The following UACA variants were observed in gnomAD, a reference collection of about 807,000 sequenced individuals.
The protein encoded by UACA is uveal autoantigen with coiled-coil domains and ankyrin repeats, also known as nuclear membrane binding protein.
UACA carries 112 observed loss-of-function variants against 160.5 expected under a neutral mutation model. The ratio of observed to expected loss-of-function variants is 0.70; its 90% confidence interval spans 0.60 to 0.82. The LOEUF (loss-of-function observed/expected upper bound fraction) is 0.82. Among genes scored for constraint, UACA ranks in the 40% least tolerant of loss-of-function variants. The probability of loss-of-function intolerance (pLI) is 0.00; values close to 1 mark genes in which losing one functional copy is unlikely to be tolerated. For synonymous variants in UACA, 557 were observed against 568.4 expected, an observed-to-expected ratio of 0.98 and a Z score of 0.29; for missense variants, 1,574 against 1,614.6, an observed-to-expected ratio of 0.97 and a Z score of 0.43.
intron 15 of UACA, 66 bp downstream of exon 15, chr15:70,670,973 T>C: frequency 9.7e-7 from 1 of 1,031,814 alleles, no homozygotes; most frequent in South Asian, 2.1e-5. Flanking sequence ...CTTTCTCCTC[T>C]CTTTATAAAG....
rs1346000732 is a variant in UACA, at chr15:70,698,078, C to A, written c.212+1449G>T. ...AAAAAATAAAAAAATAAAAAAAATT[C>A]TACTCTCTATGATGAAAACTTCAAG... On this transcript the variant is annotated intron_variant, in intron 2 of 18. Transcript: ENST00000322954. Among the ~76,000 whole-genome samples, 8 of 152,008 alleles carry A rather than the reference C, an allele frequency of 5.3e-5. No homozygotes were observed. In the South Asian group the frequency reaches 1.7e-3, roughly 32 times the overall value.
intron 1 of UACA, chr15:70,703,095 T>C (rs1880839211): frequency 1.6e-6 from 2 of 1,287,884 alleles, no homozygotes; most frequent in African/African-American, 1.5e-5. Context: ...ATAACTTCTC[T>C]GCATTCTCTA....
In UACA at chr15:70,687,355, T is replaced by C. The variant is rs548645839; in HGVS notation, c.602+185A>G. On this transcript the variant is annotated intron_variant, in intron 7 of 18. Coordinates refer to ENST00000322954, the MANE Select transcript of UACA (RefSeq NM_018003.4). The stretch of plus-strand genomic sequence containing the variant: ...TCATCTTCCTCTATTTCCCTCTCCT[T>C]CTTTCTTCAGCAGACTCTGAAGAAA... Among the ~76,000 whole-genome samples, 9 of 152,242 alleles carry C rather than the reference T, an allele frequency of 5.9e-5. No individual in the cohort carries two copies. In the South Asian group the frequency reaches 1.9e-3, roughly 32 times the overall value.
chr15:70,669,594 GA>G (rs111913577), intron 15 of UACA, 132 bp from the exon 16 acceptor site: 12 of 657,536 alleles, frequency 1.8e-5, no homozygotes, highest in African/African-American at 7.5e-5. Context: ...CAGTAAGATG[GA>G]AAAAAAATCA....
At position 70,668,005 on chromosome 15, in the gene UACA, T is replaced by C. The variant is rs940222197; in HGVS notation, c.2679A>G (p.Ile893Met). 2 of 1,602,738 alleles carry C rather than the reference T, an allele frequency of 1.2e-6. No homozygotes were observed. The highest frequency in any genetic ancestry group is 1.7e-6 in the Non-Finnish European group (2 of 1,175,232). Residue 893 changes from isoleucine to methionine, a missense_variant, in exon 16 of 19, where the codon ATA becomes ATG. Physicochemically the swap from Ile to Met is conservative, Grantham distance 10 (BLOSUM62 1). Coordinates refer to ENST00000322954, the MANE Select transcript of UACA (RefSeq NM_018003.4). ...CTTTTATTTTTACAAATTCCTGATT[T>C]ATATCTTCAAATTTTTTCTTCACAT... ...LLDVKKKFEDINQEFVKIKDK... is the reference protein window; with the variant it reads ...LLDVKKKFEDMNQEFVKIKDK...
intron 1 of UACA, among the ~76,000 whole-genome samples, chr15:70,715,968 G>A (rs1387697828): frequency 6.6e-6 from 1 of 152,128 alleles, no homozygotes; most frequent in African/African-American, 2.4e-5. Flanking sequence ...TTAAGGCGGT[G>A]GATGATGCAG....
intron 1 of UACA, among the ~76,000 whole-genome samples, chr15:70,743,154 G>A (rs553086042): frequency 2.6e-5 from 4 of 152,210 alleles, no homozygotes; most frequent in East Asian, 3.9e-4. Context: ...ACATGGCCCC[G>A]TCCATCTTCA....
At chr15:70,747,241 GTTTTTTTT>G (rs549683234) in intron 1 of UACA, among the ~76,000 whole-genome samples, 1 of 119,254 alleles carries the variant, frequency 8.4e-6, no homozygotes, top group African/African-American at 3.3e-5. Context: ...TGTTTTTTGG[GTTTTTTTT>G]TTTTTTTTTT....
At chr15:70,657,587 CCCAT>C (rs1316027609) in intron 18 of UACA, among the ~76,000 whole-genome samples, 2 of 150,562 alleles carry the variant, frequency 1.3e-5, no homozygotes, top group African/African-American at 4.9e-5. Flanking sequence ...ATGGCGAGAC[CCCAT>C]CTGAAAAAAC....
chr15:70,763,267 A>G, intron 1 of UACA, 63 bp downstream of exon 1: 1 of 1,290,056 alleles, frequency 7.8e-7, no homozygotes, highest in Non-Finnish European at 9.9e-7. Context: ...CGAACTCGCC[A>G]GCAAAGGAGG....
intron 7 of UACA, among the ~76,000 whole-genome samples, chr15:70,684,688 A>G (rs1458737198): frequency 2.6e-5 from 4 of 152,036 alleles, no homozygotes; most frequent in Admixed American, 6.6e-5. Flanking sequence ...CTGTAGTTCT[A>G]CTTGAACACT....
At chr15:70,764,506 G>C (rs1043718949), upstream of UACA, among the ~76,000 whole-genome samples, 6 of 152,234 alleles carry the variant, frequency 3.9e-5, no homozygotes, top group African/African-American at 1.4e-4. Flanking sequence ...CCAGCAAAAC[G>C]TTTATCGTAG....
Position 70,668,970 on chromosome 15 carries a change from T to C in UACA, c.1714A>G (p.Met572Val). Residue 572 changes from methionine (M) to valine (V), a missense_variant, in exon 16 of 19, where the codon ATG becomes GTG. By Grantham distance (21) the Met-to-Val change is conservative. Coordinates refer to ENST00000322954, the MANE Select transcript of UACA (RefSeq NM_018003.4). ...TCCCTCTTAAACTCTTCTACTATCATCTCATTTTGTTTGATTTGGTTTCTT... is the reference window on the plus strand; with the variant it reads ...TCCCTCTTAAACTCTTCTACTATCACCTCATTTTGTTTGATTTGGTTTCTT... The part of the protein sequence containing the change: ...KLRNQIKQNE[M>V]IVEEFKRDEG... 6.2e-7 allele frequency: 1 copy of C among 1,613,948 alleles called. No individual in the cohort carries two copies.
chr15:70,671,122 C>T (rs1410600613), intron 14 of UACA, 31 bp from the exon 15 acceptor site: 1 of 1,436,376 alleles, frequency 7.0e-7, no homozygotes, highest in Non-Finnish European at 9.7e-7. Flanking sequence ...GACATTTTAA[C>T]TTCAATATCC....
chr15:70,753,018 A>C (rs1268879813), intron 1 of UACA, among the ~76,000 whole-genome samples: 2 of 152,244 alleles, frequency 1.3e-5, no homozygotes, highest in African/African-American at 4.8e-5. Context: ...CACAAAATTA[A>C]ATACATGAAA....
rs370166441 is a variant in UACA, at chr15:70,691,271, A to C, written c.366+28T>G. On this transcript the variant is annotated intron_variant, in intron 4 of 18. Coordinates refer to ENST00000322954, the MANE Select transcript of UACA (RefSeq NM_018003.4). ...TCTATGATTTGTTGTCAAAATAATA[A>C]AGCTAAAGTATTAACCACTTCCACT... 2.6e-5 allele frequency: 39 copies of C among 1,501,988 alleles called. No homozygotes were observed. In the African/African-American group the frequency reaches 3.9e-4, roughly 15 times the overall value. 93.0% of individuals were successfully genotyped at this position (1,501,988 alleles called of 1,614,324 possible).
intron 13 of UACA, among the ~76,000 whole-genome samples, chr15:70,673,697 T>C (rs1897213707): frequency 6.6e-6 from 1 of 152,210 alleles, no homozygotes; most frequent in African/African-American, 2.4e-5. Context: ...ATATCCATTT[T>C]CCCCATATTT....
chr15:70,758,634 T>C (rs1283422059), intron 1 of UACA: 2 of 152,238 alleles, frequency 1.3e-5, no homozygotes, highest in African/African-American at 4.8e-5. Context: ...ACTAATGTTA[T>C]TAGTGGAAAC....
upstream of UACA, among the ~76,000 whole-genome samples, chr15:70,764,562 C>T (rs2030956851): frequency 6.6e-6 from 1 of 152,164 alleles, no homozygotes; most frequent in African/African-American, 2.4e-5. Context: ...TTCTGACTAA[C>T]AAAGGACTCT....
Sources: allele counts gnomAD v4.1 joint callset (sites outside exome capture counted in the v4.1 genomes callset), GRCh38; gene constraint gnomAD v4.1.1; transcripts MANE v1.5; gene names NCBI Gene and HGNC (gene_info 2026-07-23, HGNC 2026-07-21).